LONP1: variants seen among roughly 807,000 people sequenced by gnomAD.
LONP1 encodes the protein lon peptidase 1, mitochondrial.
Under a neutral mutation model 98.5 loss-of-function variants are expected in LONP1, and 31 were observed. The observed-to-expected ratio is 0.31, with a 90% CI of 0.24 to 0.42. The LOEUF (loss-of-function observed/expected upper bound fraction) is 0.42, where lower values mean the gene tolerates loss of function less well. Ranked by LOEUF, LONP1 falls within the 20% of genes least tolerant of loss-of-function variation. The pLI is 1.00. For synonymous variants in LONP1, 781 were observed against 594.7 expected (o/e 1.31, Z -4.56); for missense variants, 1,336 against 1,350.6 (o/e 0.99, Z 0.17).
chr19:5,697,514 AGAGAAGAGGGAGGAGAGG>A (rs1441783336), intron 10 of LONP1, among the ~76,000 whole-genome samples: 3 of 126,872 alleles, frequency 2.4e-5, no homozygotes, highest in East Asian at 2.5e-4. Flanking sequence ...GGAGGGGGGG[AGAGAAGAGGGAGGAGAGG>A]GGGAAGAGGG....
intron 6 of LONP1, 138 bp from the exon 7 acceptor site, chr19:5,707,281 T>C (rs2055161784): frequency 1.4e-6 from 1 of 692,802 alleles, no homozygotes; most frequent in South Asian, 1.7e-5. Context: ...CAGAGGCATG[T>C]GTGCCCTCTG....
intron 10 of LONP1, among the ~76,000 whole-genome samples, chr19:5,698,380 G>A (rs1407926440): frequency 6.6e-6 from 1 of 152,210 alleles, no homozygotes; most frequent in African/African-American, 2.4e-5. Context: ...CTCTCACTGA[G>A]GCTACGGTTT....
At position 5,700,937 on chromosome 19, in the gene LONP1, G is replaced by A. The variant is rs777091125; in HGVS notation, c.1368-10C>T. ...GTAGTTGCGGGTGACACTGCCAGGGGACAGATGGAGAGATGCTGAGTGGAG... is the reference window on the plus strand; with the variant it reads ...GTAGTTGCGGGTGACACTGCCAGGGAACAGATGGAGAGATGCTGAGTGGAG... On this transcript the variant is annotated splice_polypyrimidine_tract_variant and intron_variant, in intron 8 of 17. Transcript: ENST00000360614. 1.1e-5 allele frequency: 18 copies of A among 1,613,946 alleles called. No homozygotes were observed. Among genetic ancestry groups the A allele is most frequent in the African/African-American group, 2.7e-5 (2 of 74,938 alleles).
At chr19:5,704,206 G>A (rs888548167) in intron 8 of LONP1, among the ~76,000 whole-genome samples, 3 of 152,242 alleles carry the variant, frequency 2.0e-5, no homozygotes, top group African/African-American at 7.2e-5. Flanking sequence ...AGGGATGCGG[G>A]CGCCTCCAGA....
Position 5,720,032 on chromosome 19 carries a change from G to A in LONP1, c.101C>T (p.Ala34Val). 1 of 1,558,840 alleles carries A rather than the reference G, an allele frequency of 6.4e-7. No individual in the cohort carries two copies. The highest frequency in any genetic ancestry group is 8.7e-7 in the Non-Finnish European group (1 of 1,155,780). Residue 34 changes from alanine (A) to valine (V), a missense_variant, in exon 1 of 18, where the codon GCA (alanine) becomes GTA (valine). Coordinates refer to ENST00000360614, the MANE Select transcript of LONP1 (RefSeq NM_004793.4). ...GCCTCGGAGCAACCACGCTCCTGCT[G>A]CAGTGGGAACCCGCCCCCCGGCGGC... Reference protein sequence around the residue: ...LAAAGGRVPTAAGAWLLRGQR... With the variant: ...LAAAGGRVPTVAGAWLLRGQR...
intron 8 of LONP1, among the ~76,000 whole-genome samples, chr19:5,703,639 A>C (rs1450220118): frequency 7.3e-5 from 11 of 151,594 alleles, no homozygotes; most frequent in Non-Finnish European, 1.5e-5. Context: ...TACGAGACGC[A>C]CCGGGACAGG....
At chr19:5,693,212 G>A (rs1331123344) in intron 17 of LONP1, 86 bp downstream of exon 17, 1 of 1,492,734 alleles carries the variant, frequency 6.7e-7, no homozygotes, top group Non-Finnish European at 9.1e-7. Context: ...CCTTGGCCCA[G>A]GCAGAGGTTG....
At chr19:5,720,379 A>G (rs1301588072), upstream of LONP1, 5 of 612,906 alleles carry the variant, frequency 8.2e-6, no homozygotes, top group African/African-American at 3.9e-5. Context: ...AGCAGGCGCC[A>G]GCGCCCGTAC....
In LONP1 at chr19:5,719,699, A is replaced by G. The variant is rs1261736627; in HGVS notation, c.429+5T>C. On this transcript the variant is annotated splice_donor_5th_base_variant and intron_variant, in intron 1 of 17. Coordinates refer to ENST00000360614, the MANE Select transcript of LONP1 (RefSeq NM_004793.4). ...ACCTGAGGCCGAGGCGGGGACTCCC[A>G]TTACCTCGATAATCTTGATAAAGCG... is the stretch of plus-strand genomic sequence containing the variant. 4 of 1,613,786 alleles carry G rather than the reference A, an allele frequency of 2.5e-6. No individual in the cohort carries two copies. The highest frequency in any genetic ancestry group is 2.2e-5 in the East Asian group (1 of 44,882).
Position 5,696,097 on chromosome 19 carries a change from T to A in LONP1, c.1970A>T (p.Asn657Ile). The change falls in exon 13 of 18, where the codon AAC (asparagine) becomes ATC (isoleucine). Residue 657 changes from asparagine to isoleucine, a missense_variant. Physicochemically the swap from Asn to Ile is moderately radical, Grantham distance 149. Around this residue, in one of 5 missense-constraint regions of LONP1, gnomAD observed 555 missense variants for 542.6 expected, o/e 1.02. Coordinates refer to ENST00000360614, the MANE Select transcript of LONP1 (RefSeq NM_004793.4). The stretch of plus-strand genomic sequence containing the variant: ...CTCCTGGGCCACGTAGCCCGACACG[T>A]TGATCATCTCCATACGGTCTCGCAG... ...EPLRDRMEMI[N>I]VSGYVAQEKL... The A allele has an allele frequency of 6.2e-7, 1 of 1,613,096 alleles. No homozygotes were observed. Among genetic ancestry groups the A allele is most frequent in the Non-Finnish European group, 8.5e-7 (1 of 1,179,900 alleles).
chr19:5,699,078 A>T lies in LONP1; in HGVS notation c.1634T>A (p.Phe545Tyr), dbSNP rs200553115. ...SIARALNREY[F>Y]RFSVGGMTDV... ...AGTCATGCCCCCGACGCTGAAGCGGAAGTACTCTCGGTTCAGGGCGCGGGC... is the reference window on the plus strand; with the variant it reads ...AGTCATGCCCCCGACGCTGAAGCGGTAGTACTCTCGGTTCAGGGCGCGGGC... The change falls in exon 10 of 18, where the codon TTC (phenylalanine) becomes TAC (tyrosine). Residue 545 changes from phenylalanine (F) to tyrosine (Y), a missense_variant. Phe to Tyr is a conservative substitution (Grantham distance 22, BLOSUM62 3). Transcript: ENST00000360614. 13 of 1,608,644 alleles carry T rather than the reference A, an allele frequency of 8.1e-6. No homozygotes were observed. The highest frequency in any genetic ancestry group is 8.5e-7 in the Non-Finnish European group (1 of 1,176,910).
intron 1 of LONP1, among the ~76,000 whole-genome samples, chr19:5,716,329 C>G (rs552050959): frequency 1.7e-4 from 22 of 125,998 alleles, no homozygotes; most frequent in Admixed American, 5.5e-4. Flanking sequence ...TTGCAGGCAC[C>G]AGGATGACCT....
In LONP1 at chr19:5,692,056, T is replaced by C. The variant is rs1158322992; in HGVS notation, c.2856A>G (p.Ala952=). The part of the protein sequence containing the change: ...IFDIAFPDEQ[A]EALAVER ...GTCACCGTTCCACGGCCAGCGCCTC[T>C]GCCTGCTCGTCCGGGAAGGCGATGT... Residue 952 remains alanine, a synonymous_variant, in exon 18 of 18, where the codon GCA becomes GCG. Transcript: ENST00000360614. The C allele has an allele frequency of 1.3e-6, 2 of 1,593,484 alleles. No individual in the cohort carries two copies. The highest frequency in any genetic ancestry group is 1.7e-6 in the Non-Finnish European group (2 of 1,166,186).
intron 8 of LONP1, among the ~76,000 whole-genome samples, chr19:5,701,458 G>C (rs563634335): frequency 6.6e-6 from 1 of 152,264 alleles, no homozygotes; most frequent in Non-Finnish European, 1.5e-5. Flanking sequence ...AGCCTGCCGA[G>C]TGCCTGCGAT....
intron 9 of LONP1, 95 bp from the exon 10 acceptor site, chr19:5,699,300 T>C: frequency 9.5e-7 from 1 of 1,049,448 alleles, no homozygotes; most frequent in Non-Finnish European, 1.3e-6. Context: ...TTCAGACGTC[T>C]GAGGGCTGCG....
intron 10 of LONP1, among the ~76,000 whole-genome samples, chr19:5,698,532 G>C (rs375737682): frequency 6.6e-6 from 1 of 152,310 alleles, no homozygotes; most frequent in East Asian, 1.9e-4. Flanking sequence ...GGCTGGCCGG[G>C]ACGAGTGAGC....
intron 17 of LONP1, among the ~76,000 whole-genome samples, chr19:5,693,001 G>A (rs1007517104): frequency 3.3e-5 from 5 of 152,020 alleles, no homozygotes; most frequent in Non-Finnish European, 5.9e-5. Flanking sequence ...CCTAAACGTC[G>A]TCCCCATCTC....
chr19:5,698,553 G>C (rs557899551), intron 10 of LONP1, among the ~76,000 whole-genome samples: 5 of 152,316 alleles, frequency 3.3e-5, no homozygotes, highest in African/African-American at 1.2e-4. Flanking sequence ...CCACAGAGGC[G>C]CCAAGGTTTC....
chr19:5,698,827 C>A (rs535880862), intron 10 of LONP1, among the ~76,000 whole-genome samples, 200 bp downstream of exon 10: 1 of 152,220 alleles, frequency 6.6e-6, no homozygotes, highest in South Asian at 2.1e-4. Context: ...GAGGTTCCTG[C>A]CAGCGCTGTT....
Sources: gnomAD v4.1 joint callset for allele counts (sites outside exome capture counted in the v4.1 genomes callset) on GRCh38, gnomAD v4.1.1 for gene constraint, gnomAD v4.1.1 regional missense constraint, MANE v1.5 for transcripts, NCBI Gene and HGNC (gene_info 2026-07-23, HGNC 2026-07-21) for gene names.